Variants in DPY19L1 observed in about 807,000 individuals in gnomAD.
DPY19L1 encodes the protein dpy-19 like C-mannosyltransferase 1.
Under a neutral mutation model 96.9 loss-of-function variants are expected in DPY19L1, and 35 were observed. The ratio of observed to expected loss-of-function variants is 0.36; its 90% confidence interval spans 0.28 to 0.48. The LOEUF (loss-of-function observed/expected upper bound fraction) is 0.48. Among genes scored for constraint, DPY19L1 ranks in the 20% least tolerant of loss-of-function variants. The pLI is 0.99. For missense variants in DPY19L1, 521 were observed against 777.9 expected (o/e 0.67, Z 3.93); for synonymous variants, 205 against 252.6 (o/e 0.81, Z 1.79).
chr7:34,943,912 A>AATGTTACAGGTATAAACATATACCTGTAT (rs1784080703), intron 16 of DPY19L1, among the ~76,000 whole-genome samples: 1 of 152,154 alleles, frequency 6.6e-6, no homozygotes, highest in Admixed American at 6.6e-5. Flanking sequence ...CCTCAACTCA[A>AATGTTACAGGTATAAACATATACCTGTAT]ATGTTACAGG....
chr7:35,013,517 C>G (rs1562826772), intron 4 of DPY19L1, 51 bp downstream of exon 4: 8 of 1,526,692 alleles, frequency 5.2e-6, no homozygotes, highest in Non-Finnish European at 7.2e-6. Flanking sequence ...GCGTTTAATA[C>G]AAAAAAGTTT....
chr7:35,027,582 C>T (rs1233082249), intron 1 of DPY19L1, among the ~76,000 whole-genome samples: 3 of 150,888 alleles, frequency 2.0e-5, no homozygotes, highest in Admixed American at 6.7e-5. Context: ...GTAATCCCAG[C>T]ACTTTGGGAG....
At chr7:35,013,761 C>A in intron 3 of DPY19L1, 56 bp from the exon 4 acceptor site, 2 of 1,387,844 alleles carry the variant, frequency 1.4e-6, no homozygotes, top group Non-Finnish European at 2.0e-6. Flanking sequence ...TATGATGCCA[C>A]TTCTAAGTAA....
chr7:35,016,761 C>G (rs1785856928), intron 3 of DPY19L1, among the ~76,000 whole-genome samples: 1 of 152,134 alleles, frequency 6.6e-6, no homozygotes, highest in Non-Finnish European at 1.5e-5. Context: ...GAAAATAAGT[C>G]AAATCTTCTG....
At chr7:34,981,529 G>A (rs1784939406) in intron 7 of DPY19L1, among the ~76,000 whole-genome samples, 1 of 152,206 alleles carries the variant, frequency 6.6e-6, no homozygotes, top group Admixed American at 6.5e-5. Context: ...ATAGAGACAT[G>A]ACAGACACCA....
At chr7:34,969,253 C>T (rs563200510) in intron 9 of DPY19L1, among the ~76,000 whole-genome samples, 180 bp downstream of exon 9, 2 of 152,036 alleles carry the variant, frequency 1.3e-5, no homozygotes, top group South Asian at 2.1e-4. Flanking sequence ...TATTTCTCTA[C>T]CCTGAACTTT....
intron 7 of DPY19L1, among the ~76,000 whole-genome samples, chr7:34,983,478 A>C (rs1784982063): frequency 6.7e-6 from 1 of 149,562 alleles, no homozygotes; most frequent in Non-Finnish European, 1.5e-5. Flanking sequence ...AATTCTAAGA[A>C]GGAACGAAGG....
At chr7:34,982,829 G>C (rs1312185484) in intron 7 of DPY19L1, among the ~76,000 whole-genome samples, 9 of 152,174 alleles carry the variant, frequency 5.9e-5, no homozygotes, top group African/African-American at 1.9e-4. Context: ...AGGAGTGGGG[G>C]AGAGTCAGAA....
At chr7:34,998,623 T>C (rs1255923898) in intron 6 of DPY19L1, among the ~76,000 whole-genome samples, 1 of 152,194 alleles carries the variant, frequency 6.6e-6, no homozygotes, top group East Asian at 1.9e-4. Flanking sequence ...CAGCTGAGGC[T>C]GGTAAACGAA....
rs1783698406 is a variant in DPY19L1, at chr7:34,929,219, G to A, written c.*2354C>T. 1 of 152,178 alleles carries A rather than the reference G, an allele frequency of 6.6e-6. No individual in the cohort carries two copies. The highest frequency in any genetic ancestry group is 2.4e-5 in the African/African-American group (1 of 41,428). The allele number at this position is 152,178 out of a possible 1,614,324, so 9.4% of individuals were successfully genotyped here. ...ATGCAAAACACTGAGCTTTAATACTGTTTTGTACGCCTATGGAACCTGCTA... is the reference window on the plus strand; with the variant it reads ...ATGCAAAACACTGAGCTTTAATACTATTTTGTACGCCTATGGAACCTGCTA... On this transcript the variant is annotated 3_prime_UTR_variant, in exon 22 of 22. Transcript: ENST00000638088.
chr7:35,010,153 C>A (rs906548583), intron 6 of DPY19L1, among the ~76,000 whole-genome samples: 2 of 152,004 alleles, frequency 1.3e-5, no homozygotes, highest in African/African-American at 4.8e-5. Flanking sequence ...TCGCTTGAAC[C>A]CAGGAGGCGG....
intron 7 of DPY19L1, among the ~76,000 whole-genome samples, chr7:34,981,935 G>T (rs1396013161): frequency 6.6e-6 from 1 of 152,156 alleles, no homozygotes; most frequent in Admixed American, 6.5e-5. Context: ...GGGCAGCAGA[G>T]TGAGACCCTG....
intron 10 of DPY19L1, among the ~76,000 whole-genome samples, chr7:34,966,205 C>A (rs1457891766): frequency 6.6e-6 from 1 of 152,100 alleles, no homozygotes; most frequent in Non-Finnish European, 1.5e-5. Context: ...TATTTATCTT[C>A]TGTCTTCCCT....
At chr7:34,944,239 T>C (rs1378965422) in intron 16 of DPY19L1, among the ~76,000 whole-genome samples, 2 of 151,372 alleles carry the variant, frequency 1.3e-5, no homozygotes, top group African/African-American at 4.9e-5. Flanking sequence ...GGTGGTCGCC[T>C]GTAGTCTTAG....
Position 34,939,191 on chromosome 7 carries a change from ATTCC to A in DPY19L1, c.1964+81_1964+84del. The A allele has an allele frequency of 2.5e-6, 3 of 1,212,936 alleles. No individual in the cohort carries two copies. The Admixed American group carries it at 6.3e-5, about 26-fold the overall frequency. 75.1% of individuals were successfully genotyped at this position (1,212,936 alleles called of 1,614,324 possible). On this transcript the variant is annotated intron_variant, in intron 20 of 21. Coordinates refer to ENST00000638088, the MANE Select transcript of DPY19L1 (RefSeq NM_001366673.1). ...TCAGTTCATCATATCCTTTTGAAAC[ATTCC>A]TTATTACTTTGCTGGTGTCCTCCAC...
At chr7:35,034,778 T>C (rs1490300129) in intron 1 of DPY19L1, among the ~76,000 whole-genome samples, 1 of 152,226 alleles carries the variant, frequency 6.6e-6, no homozygotes, top group African/African-American at 2.4e-5. Flanking sequence ...TAGCTTAATA[T>C]TTAGTTGTTA....
chr7:34,931,869 CTATT>C, intron 21 of DPY19L1, 140 bp from the exon 22 acceptor site: 1 of 1,290,764 alleles, frequency 7.7e-7, no homozygotes, highest in South Asian at 1.7e-5. Flanking sequence ...TGTTACATAG[CTATT>C]TATGTTTTTA....
chr7:35,017,672 G>GA lies in DPY19L1; in HGVS notation c.411+209dup, dbSNP rs990757398. 7.7e-4 allele frequency among the ~76,000 whole-genome samples: 116 copies of GA among 149,806 alleles called. 1 individual carries two copies. The highest frequency in any genetic ancestry group is 3.0e-3 in the South Asian group (14 of 4,744). On this transcript the variant is annotated intron_variant, in intron 3 of 21. Transcript: ENST00000638088. ...GGGCGACAGAGCGAGACTCCGTCTC[G>GA]AAAAAAAAATTAATAAATAAAAATA...
intron 6 of DPY19L1, among the ~76,000 whole-genome samples, chr7:34,998,308 G>A (rs778074743): frequency 1.3e-5 from 2 of 152,316 alleles, no homozygotes; most frequent in African/African-American, 2.4e-5. Context: ...ATTCAAAAGA[G>A]GGGGAGGAGA....
Sources: gnomAD v4.1 joint callset for allele counts (sites outside exome capture counted in the v4.1 genomes callset) on GRCh38, gnomAD v4.1.1 for gene constraint, MANE v1.5 for transcripts, NCBI Gene and HGNC (gene_info 2026-07-23, HGNC 2026-07-21) for gene names.